HYDIN: variants seen among roughly 807,000 people sequenced by gnomAD.
HYDIN encodes the protein axonemal central pair apparatus protein HYDIN.
A neutral mutation model predicts 403.9 loss-of-function variants in HYDIN; 132 were observed. That is an observed-to-expected ratio of 0.33 (90% CI 0.28 to 0.38). The LOEUF (loss-of-function observed/expected upper bound fraction) is 0.38, where lower values mean the gene tolerates loss of function less well. Among genes scored for constraint, HYDIN ranks in the 10% least tolerant of loss-of-function variants. The pLI is 1.00. For missense variants in HYDIN, 2,827 were observed against 5,009.5 expected (o/e 0.56, Z 13.15); for synonymous variants, 1,202 against 1,891.7 (o/e 0.64, Z 9.46).
chr16:71,060,327 CATT>C (rs1342715998), intron 18 of HYDIN, among the ~76,000 whole-genome samples, 174 bp downstream of exon 18: 3 of 152,190 alleles, frequency 2.0e-5, no homozygotes, highest in Admixed American at 6.5e-5. Flanking sequence ...TTGATGCATA[CATT>C]ATTATGTTAA....
At chr16:70,885,749 A>T (rs921563742) in intron 58 of HYDIN, among the ~76,000 whole-genome samples, 1 of 152,156 alleles carries the variant, frequency 6.6e-6, no homozygotes, top group African/African-American at 2.4e-5. Flanking sequence ...GGAAAAAAAA[A>T]ATCTGTAGAA....
chr16:71,174,047 C>G (rs572607265), intron 5 of HYDIN, among the ~76,000 whole-genome samples: 41 of 152,268 alleles, frequency 2.7e-4, no homozygotes, highest in Admixed American at 1.6e-3. Flanking sequence ...AGATATAGAG[C>G]CTCCAGAAAA....
chr16:71,070,869 C>T (rs1294383377), intron 13 of HYDIN, among the ~76,000 whole-genome samples: 1 of 138,426 alleles, frequency 7.2e-6, no homozygotes, highest in African/African-American at 2.8e-5. Context: ...CTTTTGTCTA[C>T]ACATTAGGCC....
intron 6 of HYDIN, among the ~76,000 whole-genome samples, chr16:71,159,607 C>A (rs1474783760): frequency 4.9e-5 from 5 of 101,160 alleles, no homozygotes; most frequent in Non-Finnish European, 9.7e-5. Flanking sequence ...ACAAAACTTA[C>A]ACCTAGACAC....
intron 11 of HYDIN, 23 bp downstream of exon 11, chr16:71,093,794 C>G (rs756999970): frequency 1.2e-6 from 2 of 1,606,826 alleles, no homozygotes; most frequent in Non-Finnish European, 8.5e-7. Context: ...TTTGAAGTAT[C>G]AACGAACAAC....
At chr16:70,851,076 C>A (rs1394574) in intron 73 of HYDIN, among the ~76,000 whole-genome samples, 2 of 151,536 alleles carry the variant, frequency 1.3e-5, no homozygotes, top group African/African-American at 2.4e-5. Context: ...TCAAACTATA[C>A]GAAAACTAGA....
intron 50 of HYDIN, among the ~76,000 whole-genome samples, chr16:70,905,195 C>T (rs894810171): frequency 6.6e-6 from 1 of 152,116 alleles, no homozygotes; most frequent in Non-Finnish European, 1.5e-5. Flanking sequence ...GTATGAATAT[C>T]TGCCAAAGGG....
At chr16:71,197,206 T>C (rs947096141) in intron 1 of HYDIN, among the ~76,000 whole-genome samples, 30 of 152,214 alleles carry the variant, frequency 2.0e-4, no homozygotes, top group African/African-American at 6.8e-4. Context: ...GATATGGATA[T>C]GCTATTTGTT....
chr16:71,137,593 ATTG>A (rs371501020), intron 7 of HYDIN, among the ~76,000 whole-genome samples: 1 of 151,962 alleles, frequency 6.6e-6, no homozygotes, highest in Non-Finnish European at 1.5e-5. Context: ...TAAAATATGT[ATTG>A]TTGTTGTGGG....
At chr16:70,948,758 A>G (rs979852569) in intron 41 of HYDIN, among the ~76,000 whole-genome samples, 1 of 152,030 alleles carries the variant, frequency 6.6e-6, no homozygotes, top group South Asian at 2.1e-4. Context: ...CCACAATGAG[A>G]TATCATCTCA....
intron 1 of HYDIN, among the ~76,000 whole-genome samples, chr16:71,206,915 T>C (rs1024707610): frequency 1.3e-5 from 2 of 151,812 alleles, no homozygotes; most frequent in Non-Finnish European, 2.9e-5. Context: ...CTCCAAGAAA[T>C]ATGGGATTAT....
intron 1 of HYDIN, among the ~76,000 whole-genome samples, chr16:71,193,778 C>G (rs139147401): frequency 6.6e-6 from 1 of 152,264 alleles, no homozygotes; most frequent in Admixed American, 6.5e-5. Context: ...TAATCATACC[C>G]TCACCCCCAT....
intron 1 of HYDIN, among the ~76,000 whole-genome samples, chr16:71,208,741 G>C (rs998794971): frequency 1.4e-4 from 21 of 152,202 alleles, no homozygotes; most frequent in Non-Finnish European, 4.4e-5. Context: ...TGACCCCACA[G>C]AAATACAAAT....
At chr16:71,038,046 T>G (rs1159943820) in intron 18 of HYDIN, among the ~76,000 whole-genome samples, 1 of 152,260 alleles carries the variant, frequency 6.6e-6, no homozygotes, top group East Asian at 1.9e-4. Flanking sequence ...CAGCCATAGC[T>G]GCCTTTGCTT....
At chr16:71,100,314 C>T (rs1379752749) in intron 10 of HYDIN, among the ~76,000 whole-genome samples, 2 of 152,242 alleles carry the variant, frequency 1.3e-5, no homozygotes, top group African/African-American at 2.4e-5. Context: ...TGTCCATTTT[C>T]TCCCAACAGA....
chr16:71,135,284 G>T (rs1232947921), intron 8 of HYDIN, among the ~76,000 whole-genome samples: 1 of 152,006 alleles, frequency 6.6e-6, no homozygotes, highest in African/African-American at 2.4e-5. Context: ...AGATAGGGGT[G>T]TGAGTGTCAG....
chr16:71,183,110 T>C (rs1169963179), intron 3 of HYDIN, among the ~76,000 whole-genome samples: 2 of 152,074 alleles, frequency 1.3e-5, no homozygotes. Flanking sequence ...GCTATGTCAG[T>C]ATTCTAGATA....
At chr16:70,925,227 G>C (rs540899552) in intron 45 of HYDIN, among the ~76,000 whole-genome samples, 4 of 152,320 alleles carry the variant, frequency 2.6e-5, no homozygotes, top group Admixed American at 2.0e-4. Context: ...GCTCATGCCT[G>C]TAATCTCAGC....
chr16:70,812,417 A>T (rs1439820488), intron 84 of HYDIN, among the ~76,000 whole-genome samples: 1 of 152,184 alleles, frequency 6.6e-6, no homozygotes, highest in Non-Finnish European at 1.5e-5. Flanking sequence ...TGAATCTGGG[A>T]GCTGGAGGTT....
Sources: gnomAD v4.1 joint callset for allele counts (sites outside exome capture counted in the v4.1 genomes callset) on GRCh38, gnomAD v4.1.1 for gene constraint, MANE v1.5 for transcripts, NCBI Gene and HGNC (gene_info 2026-07-23, HGNC 2026-07-21) for gene names.